GLIS3: variants seen among roughly 807,000 people sequenced by gnomAD.
The protein encoded by GLIS3 is GLIS family zinc finger 3, also known as zinc finger protein GLIS3.
A neutral mutation model predicts 78.6 loss-of-function variants in GLIS3; 53 were observed. The ratio of observed to expected loss-of-function variants is 0.67; its 90% CI spans 0.54 to 0.85. GLIS3 has a LOEUF of 0.85. GLIS3 is among the 40% of genes least tolerant of loss of function. The pLI is 0.00. For synonymous variants in GLIS3, 684 were observed against 509.9 expected, an observed-to-expected ratio of 1.34 and a Z score of -4.60; for missense variants, 1,703 against 1,231.1, an observed-to-expected ratio of 1.38 and a Z score of -5.74.
At chr9:4,251,292 G>A (rs988852490) in intron 2 of GLIS3, among the ~76,000 whole-genome samples, 45 of 152,142 alleles carry the variant, frequency 3.0e-4, no homozygotes, top group African/African-American at 9.2e-4. Flanking sequence ...GGGTCCTCCT[G>A]TATTGACTGC....
intron 2 of GLIS3, among the ~76,000 whole-genome samples, chr9:4,211,201 T>C (rs1356412068): frequency 6.6e-6 from 1 of 152,250 alleles, no homozygotes; most frequent in Non-Finnish European, 1.5e-5. Flanking sequence ...GCCGAATACA[T>C]GAACTTGTGC....
At chr9:3,863,321 G>A (rs554324653) in intron 8 of GLIS3, among the ~76,000 whole-genome samples, 2 of 152,316 alleles carry the variant, frequency 1.3e-5, no homozygotes, top group South Asian at 2.1e-4. Flanking sequence ...ATCACAGCAC[G>A]TTACTGGGGG....
chr9:4,352,655 G>C (rs61691248), upstream of GLIS3, among the ~76,000 whole-genome samples: 1 of 152,218 alleles, frequency 6.6e-6, no homozygotes, highest in African/African-American at 2.4e-5. Context: ...CCTGGTTAGT[G>C]GGGAGATGAT....
At chr9:4,129,220 C>A (rs2130927559) in intron 2 of GLIS3, among the ~76,000 whole-genome samples, 1 of 152,266 alleles carries the variant, frequency 6.6e-6, no homozygotes, top group Non-Finnish European at 1.5e-5. Context: ...GGAGTGTGGG[C>A]TCTGGAGATA....
chr9:4,287,016 A>C (rs993046954), intron 1 of GLIS3, among the ~76,000 whole-genome samples: 11 of 152,222 alleles, frequency 7.2e-5, no homozygotes, highest in African/African-American at 2.4e-4. Flanking sequence ...TTTAAGAGCT[A>C]TCTTGTCACA....
intron 2 of GLIS3, among the ~76,000 whole-genome samples, chr9:4,345,584 T>G (rs990732195): frequency 1.4e-4 from 21 of 152,340 alleles, no homozygotes; most frequent in African/African-American, 4.8e-4. Flanking sequence ...AGGTTCCATG[T>G]ATCTTACCAG....
chr9:4,330,930 C>T (rs1188219214), intron 2 of GLIS3, among the ~76,000 whole-genome samples: 2 of 152,186 alleles, frequency 1.3e-5, no homozygotes, highest in East Asian at 3.9e-4. Context: ...GCTGAAGGAT[C>T]ACATTAGCTG....
chr9:4,419,991 C>A, the GLIS3 span, among the ~76,000 whole-genome samples: 5 of 152,046 alleles, frequency 3.3e-5, no homozygotes, highest in African/African-American at 1.2e-4. Context: ...GGTTGAGCAC[C>A]GTCTACAGGG....
intron 6 of GLIS3, among the ~76,000 whole-genome samples, chr9:3,908,718 T>TG (rs1823911082): frequency 6.9e-6 from 1 of 145,326 alleles, no homozygotes; most frequent in African/African-American, 2.6e-5. Flanking sequence ...TTTTTTTTTT[T>TG]TTTTTTTTTT....
intron 8 of GLIS3, among the ~76,000 whole-genome samples, chr9:3,859,133 T>C (rs1390388710): frequency 6.6e-6 from 1 of 152,124 alleles, no homozygotes; most frequent in Non-Finnish European, 1.5e-5. Context: ...AACTCTTCTC[T>C]CAGCAAGAGA....
chr9:4,350,702 T>A (rs1018138584), upstream of GLIS3, among the ~76,000 whole-genome samples: 8 of 152,180 alleles, frequency 5.3e-5, no homozygotes, highest in African/African-American at 1.7e-4. Flanking sequence ...CCTCCTTCAT[T>A]CTGGACCAAG....
chr9:4,265,859 C>G (rs1825948955), intron 2 of GLIS3, among the ~76,000 whole-genome samples: 1 of 151,844 alleles, frequency 6.6e-6, no homozygotes, highest in African/African-American at 2.4e-5. Context: ...TGAGTGTCAA[C>G]CAAAAGCAGA....
At chr9:3,920,250 G>A (rs978697557) in intron 6 of GLIS3, among the ~76,000 whole-genome samples, 9 of 152,138 alleles carry the variant, frequency 5.9e-5, no homozygotes, top group East Asian at 1.9e-4. Flanking sequence ...TGATCCACCC[G>A]CCTCGGCCTC....
Position 4,257,473 on chromosome 9 carries a change from G to A in GLIS3, c.388+28565C>T, listed in dbSNP as rs75374731. ...AATTTGGCAAGGGAATAGATTTTGG[G>A]TACTCTTACCACAAAAAAGCAAACC... On this transcript the variant is annotated intron_variant, in intron 2 of 10. Transcript: ENST00000381971. 5.2e-3 allele frequency among the ~76,000 whole-genome samples: 784 copies of A among 152,184 alleles called. 10 individuals are homozygous for A. The highest frequency in any genetic ancestry group is 0.018 in the African/African-American group (742 of 41,514).
the GLIS3 span, among the ~76,000 whole-genome samples, chr9:4,467,213 T>G: frequency 6.6e-6 from 1 of 152,168 alleles, no homozygotes; most frequent in Admixed American, 6.5e-5. Context: ...GGGCAGGGAA[T>G]AGCTGAACAA....
the GLIS3 span, among the ~76,000 whole-genome samples, chr9:4,408,595 C>T: frequency 1.3e-4 from 19 of 148,716 alleles, no homozygotes; most frequent in South Asian, 2.2e-4. Flanking sequence ...GGCGCGGTGG[C>T]GGGCGCCTGT....
the GLIS3 span, among the ~76,000 whole-genome samples, chr9:4,385,217 C>T: frequency 3.3e-5 from 5 of 152,168 alleles, no homozygotes; most frequent in East Asian, 1.9e-4. Flanking sequence ...TCCCACATTC[C>T]GTTTCTTCGT....
intron 4 of GLIS3, among the ~76,000 whole-genome samples, chr9:4,072,639 T>A (rs574528386): frequency 6.6e-6 from 1 of 152,158 alleles, no homozygotes; most frequent in African/African-American, 2.4e-5. Flanking sequence ...CTCTTTATAA[T>A]TCACTGAAAA....
chr9:3,964,293 G>C (rs903127858), intron 4 of GLIS3, among the ~76,000 whole-genome samples: 2 of 152,176 alleles, frequency 1.3e-5, no homozygotes, highest in Non-Finnish European at 2.9e-5. Flanking sequence ...CTGACAGCTA[G>C]TAATAACAGA....
Sources: gnomAD v4.1 joint callset for allele counts (sites outside exome capture counted in the v4.1 genomes callset) on GRCh38, gnomAD v4.1.1 for gene constraint, MANE v1.5 for transcripts, NCBI Gene and HGNC (gene_info 2026-07-23, HGNC 2026-07-21) for gene names.